ATP5PD: variants seen among roughly 807,000 people sequenced by gnomAD.
ATP5PD encodes ATP synthase peripheral stalk subunit d, also known as ATP synthase peripheral stalk subunit d, mitochondrial.
ATP5PD carries 13 observed loss-of-function variants against 22.6 expected under a neutral mutation model. The observed-to-expected ratio is 0.58, with a 90% confidence interval of 0.37 to 0.91. The LOEUF is 0.91. Among genes scored for constraint, ATP5PD ranks in the 40% least tolerant of loss-of-function variants. ATP5PD has a pLI of 0.00. For synonymous variants in ATP5PD, 51 were observed against 65.0 expected, an observed-to-expected ratio of 0.79 and a Z score of 1.03; for missense variants, 165 against 188.0, an observed-to-expected ratio of 0.88 and a Z score of 0.72.
intron 4 of ATP5PD, 34 bp from the exon 5 acceptor site, chr17:75,039,305 C>G: frequency 6.3e-7 from 1 of 1,599,058 alleles, no homozygotes; most frequent in South Asian, 1.1e-5. Context: ...GTTCTGAAAC[C>G]AGGCTGCATT....
chr17:75,039,389 T>C, intron 4 of ATP5PD, 118 bp from the exon 5 acceptor site: 1 of 893,658 alleles, frequency 1.1e-6, no homozygotes, highest in Non-Finnish European at 1.8e-6. Flanking sequence ...GGAGAAACTG[T>C]GGTTACCCTG....
rs777417383 is a variant in ATP5PD, at chr17:75,040,176, G to A, written c.220-13C>T. The A allele has an allele frequency of 6.2e-7, 1 of 1,611,232 alleles. No homozygotes were observed. The highest frequency in any genetic ancestry group is 1.1e-5 in the South Asian group (1 of 90,910). Reference sequence around the variant, plus strand: ...TCAGCGCATTAAACTACAAACACAAGGGCACGGGAACCTTCAGCGCATTAA... The same window carrying A: ...TCAGCGCATTAAACTACAAACACAAAGGCACGGGAACCTTCAGCGCATTAA... On this transcript the variant is annotated splice_polypyrimidine_tract_variant and intron_variant, in intron 3 of 5. Transcript: ENST00000301587.
At chr17:75,042,387 T>C in intron 2 of ATP5PD, 110 bp from the exon 3 acceptor site, 6 of 1,485,666 alleles carry the variant, frequency 4.0e-6, no homozygotes, top group Non-Finnish European at 5.5e-6. Context: ...CACACTTTCC[T>C]CTCCTAAGAT....
At chr17:75,044,779 C>A (rs2073196344) in intron 1 of ATP5PD, among the ~76,000 whole-genome samples, 1 of 152,120 alleles carries the variant, frequency 6.6e-6, no homozygotes, top group Admixed American at 6.5e-5. Context: ...TAAAAGACTG[C>A]AAAGTCAAAA....
Position 75,038,919 on chromosome 17 carries a change from C to T in ATP5PD, c.*13G>A. On this transcript the variant is annotated 3_prime_UTR_variant, in exon 6 of 6. Coordinates refer to ENST00000301587, the MANE Select transcript of ATP5PD (RefSeq NM_006356.3). Reference sequence around the variant, plus strand: ...TGTAATACAAGGGCCAGAGCTTCCTCCTGGACTCAATTTTATAAATTCTCA... The same window carrying T: ...TGTAATACAAGGGCCAGAGCTTCCTTCTGGACTCAATTTTATAAATTCTCA... 1.9e-6 allele frequency: 3 copies of T among 1,611,654 alleles called. No homozygotes were observed. The highest frequency in any genetic ancestry group is 2.5e-6 in the Non-Finnish European group (3 of 1,179,140).
intron 4 of ATP5PD, chr17:75,039,574 G>A (rs1214444140): frequency 1.6e-5 from 6 of 366,606 alleles, no homozygotes; most frequent in East Asian, 5.3e-5. Context: ...GTCAGGACAC[G>A]CCACCTGAGC....
In ATP5PD at chr17:75,039,288, A is replaced by G. The variant is rs1219020451; in HGVS notation, c.292-17T>C. The G allele has an allele frequency of 1.9e-6, 3 of 1,613,360 alleles. No individual in the cohort carries two copies. The highest frequency in any genetic ancestry group is 2.7e-5 in the African/African-American group (2 of 75,028). On this transcript the variant is annotated splice_polypyrimidine_tract_variant and intron_variant, in intron 4 of 5. Transcript: ENST00000301587. Reference sequence around the variant, plus strand: ...AGATTTCACCTTTAAGAAGAAAGAGAAATTCAGTTCTGAAACCAGGCTGCA... The same window carrying G: ...AGATTTCACCTTTAAGAAGAAAGAGGAATTCAGTTCTGAAACCAGGCTGCA...
chr17:75,039,922 C>T, intron 4 of ATP5PD, 170 bp downstream of exon 4: 1 of 714,786 alleles, frequency 1.4e-6, no homozygotes, highest in Non-Finnish European at 2.4e-6. Flanking sequence ...GCTTCTTTCA[C>T]TCCGCATAAT....
chr17:75,042,446 A>G (rs2073170878), intron 2 of ATP5PD, 83 bp downstream of exon 2: 3 of 1,559,604 alleles, frequency 1.9e-6, no homozygotes, highest in Non-Finnish European at 1.7e-6. Flanking sequence ...AAGGGCATCA[A>G]GAATTCATAT....
rs140053200 is a variant in ATP5PD at position 75,041,808 on chromosome 17, GC to G, written c.219+372del. ...TTGAGCCCAAGAGTTCTGGGCTGTA[GC>G]GCGTTATGCCGATCGGGTGTCTTCA... On this transcript the variant is annotated intron_variant, in intron 3 of 5. Transcript: ENST00000301587. 1,011 of 165,566 alleles carry G rather than the reference GC, an allele frequency of 6.1e-3. 13 individuals are homozygous for G. The highest frequency in any genetic ancestry group is 0.023 in the African/African-American group (966 of 41,978). 10.3% of individuals were successfully genotyped at this position (165,566 alleles called of 1,614,324 possible). A position where few individuals can be genotyped will look rare whatever the true frequency, so the allele number is the denominator to read the frequency against.
rs1186628285 is a variant in ATP5PD, at chr17:75,042,204, AG to A, written c.195del (p.Leu66TrpfsTer12). On this transcript the variant is annotated frameshift_variant, in exon 3 of 6. Coordinates refer to ENST00000301587, the MANE Select transcript of ATP5PD (RefSeq NM_006356.3). LOFTEE classifies it high-confidence loss of function. ...ACCTTCTTCTCAAAGTCATCCACCA[AG>A]CCAGCCTTGGCCACATTGGCCTTGT... Reference protein sequence around the residue: ...AYYKANVAKAGLVDDFEKKFN... With the variant: ...AYYKANVAKAXLVDDFEKKFN... The A allele has an allele frequency of 6.2e-7, 1 of 1,614,078 alleles. No homozygotes were observed. Among genetic ancestry groups the A allele is most frequent in the Non-Finnish European group, 8.5e-7 (1 of 1,179,978 alleles).
Position 75,040,111 on chromosome 17 carries a change from T to C in ATP5PD, c.272A>G (p.Asp91Gly). The change falls in exon 4 of 6, where the codon GAT becomes GGT. Residue 91 changes from aspartate (D) to glycine (G), a missense_variant. Coordinates refer to ENST00000301587, the MANE Select transcript of ATP5PD (RefSeq NM_006356.3). ...VPEDKYTAQV[D>G]AEEKEDVKSC... ...ACTTACATCTTCTTTTTCTTCGGCATCCACCTGGGCAGTATATTTATCCTC... is the reference window on the plus strand; with the variant it reads ...ACTTACATCTTCTTTTTCTTCGGCACCCACCTGGGCAGTATATTTATCCTC... 6.2e-7 allele frequency: 1 copy of C among 1,613,272 alleles called. No individual in the cohort carries two copies. Among genetic ancestry groups the C allele is most frequent in the Non-Finnish European group, 8.5e-7 (1 of 1,180,006 alleles).
Position 75,040,181 on chromosome 17 carries a change from C to G in ATP5PD, c.220-18G>C. 3 of 1,611,348 alleles carry G rather than the reference C, an allele frequency of 1.9e-6. No homozygotes were observed. The highest frequency in any genetic ancestry group is 2.5e-6 in the Non-Finnish European group (3 of 1,179,652). ...GCATTAAACTACAAACACAAGGGCA[C>G]GGGAACCTTCAGCGCATTAAACTAC... On this transcript the variant is annotated intron_variant, in intron 3 of 5. Coordinates refer to ENST00000301587, the MANE Select transcript of ATP5PD (RefSeq NM_006356.3).
intron 1 of ATP5PD, among the ~76,000 whole-genome samples, chr17:75,045,665 C>T (rs987719689): frequency 2.0e-5 from 3 of 149,836 alleles, no homozygotes; most frequent in African/African-American, 7.4e-5. Flanking sequence ...GTTTAAGGTT[C>T]TCTCTTGTTC....
chr17:75,042,367 G>A (rs2073170085), intron 2 of ATP5PD, 90 bp from the exon 3 acceptor site: 1 of 1,507,550 alleles, frequency 6.6e-7, no homozygotes, highest in East Asian at 2.3e-5. Flanking sequence ...CCTATGGCCT[G>A]GAGGGTCACC....
At chr17:75,044,547 G>A (rs1598691183) in intron 1 of ATP5PD, among the ~76,000 whole-genome samples, 1 of 149,756 alleles carries the variant, frequency 6.7e-6, no homozygotes. Context: ...TCTCCACGTT[G>A]GCCAGGATGG....
chr17:75,046,651 G>A (rs548348812), intron 1 of ATP5PD, among the ~76,000 whole-genome samples: 2 of 152,258 alleles, frequency 1.3e-5, no homozygotes, highest in Non-Finnish European at 2.9e-5. Context: ...CTGCCGCGCT[G>A]GGAGCGGACT....
chr17:75,045,873 G>C (rs1422356503), intron 1 of ATP5PD, among the ~76,000 whole-genome samples: 1 of 152,240 alleles, frequency 6.6e-6, no homozygotes, highest in Non-Finnish European at 1.5e-5. Context: ...CTGGGGAAGT[G>C]ATAAGTGTCC....
intron 3 of ATP5PD, 134 bp downstream of exon 3, chr17:75,042,045 GGC>G: frequency 1.5e-6 from 1 of 685,662 alleles, no homozygotes; most frequent in Non-Finnish European, 2.4e-6. Context: ...TCGACCACAA[GGC>G]CTTTGGCCAT....
Sources: gnomAD v4.1 joint callset for allele counts (sites outside exome capture counted in the v4.1 genomes callset) on GRCh38, gnomAD v4.1.1 for gene constraint, MANE v1.5 for transcripts, NCBI Gene and HGNC (gene_info 2026-07-23, HGNC 2026-07-21) for gene names.